SEC24B: variants seen among roughly 807,000 people sequenced by gnomAD.
SEC24B encodes SEC24 homolog B, COPII component.
Under a neutral mutation model 142.8 loss-of-function variants are expected in SEC24B, and 45 were observed. The observed-to-expected ratio is 0.32, with a 90% CI of 0.25 to 0.40. The LOEUF (loss-of-function observed/expected upper bound fraction) is 0.40. SEC24B is among the 10% of genes least tolerant of loss of function. The pLI is 1.00. For synonymous variants in SEC24B, 574 were observed against 568.2 expected (o/e 1.01, Z -0.15); for missense variants, 1,409 against 1,526.8 (o/e 0.92, Z 1.29).
intron 4 of SEC24B, among the ~76,000 whole-genome samples, chr4:109,485,969 G>A (rs1435719708): frequency 1.3e-5 from 2 of 152,126 alleles, no homozygotes; most frequent in Admixed American, 1.3e-4. Context: ...AGTGTTAAGT[G>A]TTGAGGAAAG....
At chr4:109,435,443 G>C (rs1400994610) in intron 1 of SEC24B, among the ~76,000 whole-genome samples, 1 of 152,206 alleles carries the variant, frequency 6.6e-6, no homozygotes, top group Non-Finnish European at 1.5e-5. Context: ...TAGTAAAAGA[G>C]CCCAAGTCTT....
At chr4:109,437,239 G>T (rs1728490877) in intron 1 of SEC24B, among the ~76,000 whole-genome samples, 1 of 152,176 alleles carries the variant, frequency 6.6e-6, no homozygotes, top group South Asian at 2.1e-4. Flanking sequence ...TCTGGTCACA[G>T]AAGTGGTCTG....
At chr4:109,530,263 T>C (rs1724751978) in intron 18 of SEC24B, 26 bp from the exon 19 acceptor site, 3 of 1,598,724 alleles carry the variant, frequency 1.9e-6, no homozygotes, top group Non-Finnish European at 2.6e-6. Context: ...ATGGTTAAAA[T>C]ACCTTTCACT....
intron 7 of SEC24B, among the ~76,000 whole-genome samples, chr4:109,509,460 A>G (rs1022585642): frequency 6.6e-6 from 1 of 152,102 alleles, no homozygotes. Context: ...GATGGATCAC[A>G]AGGTCAGGAG....
chr4:109,458,253 C>G (rs1393144774), intron 1 of SEC24B, among the ~76,000 whole-genome samples: 2 of 152,134 alleles, frequency 1.3e-5, no homozygotes, highest in Admixed American at 6.6e-5. Context: ...TTTCATTTCT[C>G]TCGATATCCC....
chr4:109,484,366 A>G (rs553826267), intron 4 of SEC24B, among the ~76,000 whole-genome samples: 8 of 152,242 alleles, frequency 5.3e-5, no homozygotes, highest in South Asian at 2.1e-4. Context: ...TTTGAGGCAC[A>G]TGATGTCAAT....
intron 4 of SEC24B, among the ~76,000 whole-genome samples, chr4:109,490,505 A>G (rs1734915323): frequency 2.0e-5 from 3 of 152,246 alleles, no homozygotes; most frequent in African/African-American, 7.2e-5. Flanking sequence ...CTAACATAAT[A>G]GAAGGATCAT....
chr4:109,436,588 G>T lies in SEC24B; in HGVS notation c.133+2586G>T, dbSNP rs188739925. Among the ~76,000 whole-genome samples, 46 of 152,152 alleles carry T rather than the reference G, an allele frequency of 3.0e-4. 2 individuals carry two copies. The highest frequency in any genetic ancestry group is 2.4e-5 in the African/African-American group (1 of 41,436). On this transcript the variant is annotated intron_variant, in intron 1 of 23. Transcript: ENST00000265175. Reference sequence around the variant, plus strand: ...TAATTTCCTGAGTGATAGGAGTGTCGCTTGCTACTCATAAGGAGTCTTTTG... The same window carrying T: ...TAATTTCCTGAGTGATAGGAGTGTCTCTTGCTACTCATAAGGAGTCTTTTG...
intron 6 of SEC24B, among the ~76,000 whole-genome samples, chr4:109,498,589 C>T (rs1735778081): frequency 6.6e-6 from 1 of 152,176 alleles, no homozygotes. Context: ...TGGTCTGGAT[C>T]TCCTGACCTC....
intron 6 of SEC24B, among the ~76,000 whole-genome samples, chr4:109,496,338 C>T (rs541891848): frequency 2.6e-4 from 40 of 152,212 alleles, no homozygotes; most frequent in Non-Finnish European, 5.3e-4. Context: ...GTCTTGAACT[C>T]CTGACCTCAA....
At chr4:109,505,351 T>C (rs1365010833) in intron 6 of SEC24B, among the ~76,000 whole-genome samples, 1 of 152,046 alleles carries the variant, frequency 6.6e-6, no homozygotes. Flanking sequence ...CAAAAAGAAC[T>C]ATGAAAAATT....
intron 4 of SEC24B, among the ~76,000 whole-genome samples, chr4:109,486,502 C>CT (rs1734369941): frequency 6.6e-6 from 1 of 152,178 alleles, no homozygotes; most frequent in African/African-American, 2.4e-5. Context: ...CTCCTCGTTA[C>CT]TTCTTTAGAT....
intron 1 of SEC24B, among the ~76,000 whole-genome samples, chr4:109,452,569 A>T (rs1281660368): frequency 2.0e-5 from 3 of 152,236 alleles, no homozygotes. Flanking sequence ...CTTGCACCAC[A>T]TCTTTGCCAG....
intron 10 of SEC24B, among the ~76,000 whole-genome samples, chr4:109,515,225 C>T (rs1041914556): frequency 5.9e-5 from 9 of 151,962 alleles, no homozygotes; most frequent in African/African-American, 1.9e-4. Context: ...CTCAGCCTTC[C>T]GAGTAGCTAG....
At chr4:109,505,603 G>T (rs1736596703) in intron 6 of SEC24B, among the ~76,000 whole-genome samples, 1 of 152,158 alleles carries the variant, frequency 6.6e-6, no homozygotes. Context: ...GTATCTGGAA[G>T]TAATAACAGC....
At chr4:109,477,849 C>G (rs915875889) in intron 3 of SEC24B, among the ~76,000 whole-genome samples, 1 of 152,014 alleles carries the variant, frequency 6.6e-6, no homozygotes, top group African/African-American at 2.4e-5. Context: ...TAAGAATTGA[C>G]TATATTTTAT....
chr4:109,527,232 AGAAAG>A, intron 17 of SEC24B, 85 bp from the exon 18 acceptor site: 2 of 890,824 alleles, frequency 2.2e-6, no homozygotes, highest in East Asian at 5.1e-5. Context: ...AAAAAAAAAA[AGAAAG>A]AAAGAAAGAA....
intron 1 of SEC24B, among the ~76,000 whole-genome samples, chr4:109,441,915 T>A (rs1482139538): frequency 6.6e-6 from 1 of 152,176 alleles, no homozygotes; most frequent in Non-Finnish European, 1.5e-5. Context: ...GTTTATGGAA[T>A]GTAGGAGAGA....
At chr4:109,521,893 G>A (rs940904748) in intron 14 of SEC24B, among the ~76,000 whole-genome samples, 2 of 151,800 alleles carry the variant, frequency 1.3e-5, no homozygotes, top group Non-Finnish European at 2.9e-5. Context: ...CACCACACCC[G>A]GCTAATTTTT....
Sources: gnomAD v4.1 joint callset for allele counts (sites outside exome capture counted in the v4.1 genomes callset) on GRCh38, gnomAD v4.1.1 for gene constraint, MANE v1.5 for transcripts, NCBI Gene and HGNC (gene_info 2026-07-23, HGNC 2026-07-21) for gene names.